GRIK3: variants seen among roughly 807,000 people sequenced by gnomAD.
GRIK3 encodes the protein glutamate ionotropic receptor kainate type subunit 3.
Under a neutral mutation model 102.5 loss-of-function variants are expected in GRIK3, and 29 were observed. That is an observed-to-expected ratio of 0.28 (90% CI 0.21 to 0.39). GRIK3 has a LOEUF of 0.39. Among genes scored for constraint, GRIK3 ranks in the 10% least tolerant of loss-of-function variants. The probability of loss-of-function intolerance (pLI) is 1.00; values close to 1 mark genes in which losing one functional copy is unlikely to be tolerated. For missense variants in GRIK3, 908 were observed against 1,252.4 expected, an observed-to-expected ratio of 0.73 and a Z score of 4.15; for synonymous variants, 511 against 504.9, an observed-to-expected ratio of 1.01 and a Z score of -0.16.
intron 9 of GRIK3, among the ~76,000 whole-genome samples, chr1:36,848,111 TTCTGCC>T (rs2124223821): frequency 6.6e-6 from 1 of 152,354 alleles, no homozygotes; most frequent in African/African-American, 2.4e-5. Context: ...GTCTCCTGGA[TTCTGCC>T]TCTGCTTATG....
intron 15 of GRIK3, among the ~76,000 whole-genome samples, chr1:36,802,647 T>C (rs1462019850): frequency 6.6e-6 from 1 of 152,170 alleles, no homozygotes; most frequent in Non-Finnish European, 1.5e-5. Context: ...TCCCTGCACA[T>C]AGCCAAGAGG....
chr1:36,973,378 CCTT>C lies in GRIK3; in HGVS notation c.115+60613_115+60615del, dbSNP rs553912511. ...CACACTCTTTGCCTGGCTACCTACTCCTTCTTTGAGTGTCAGCTTAGACATCAC... is the reference window on the plus strand; with the variant it reads ...CACACTCTTTGCCTGGCTACCTACTCCTTTGAGTGTCAGCTTAGACATCAC... On this transcript the variant is annotated intron_variant, in intron 1 of 15. Coordinates refer to ENST00000373091, the MANE Select transcript of GRIK3 (RefSeq NM_000831.4). Among the ~76,000 whole-genome samples the C allele has an allele frequency of 3.0e-3, 450 of 151,854 alleles. 1 individual carries two copies. The highest frequency in any genetic ancestry group is 1.0e-2 in the African/African-American group (413 of 41,370).
At chr1:36,883,563 G>A (rs1209413888) in intron 2 of GRIK3, among the ~76,000 whole-genome samples, 1 of 152,196 alleles carries the variant, frequency 6.6e-6, no homozygotes, top group East Asian at 1.9e-4. Context: ...TCCTAGAAGT[G>A]GGCTCAGGGG....
intron 1 of GRIK3, among the ~76,000 whole-genome samples, chr1:36,903,804 C>A (rs1057080759): frequency 6.6e-6 from 1 of 152,010 alleles, no homozygotes; most frequent in East Asian, 1.9e-4. Context: ...TGGCTTCCAG[C>A]GGGTGGAGGA....
At position 36,801,832 on chromosome 1, in the gene GRIK3, G is replaced by T. The variant is rs759627595; in HGVS notation, c.*19C>A. The T allele has an allele frequency of 2.5e-6, 4 of 1,576,204 alleles. No homozygotes were observed. Among genetic ancestry groups the T allele is most frequent in the South Asian group, 2.4e-5 (2 of 84,838 alleles). ...CCTCTGCCCAGCCCCCAGGCCTGAG[G>T]TCCCCACCCCAGCTGTGCCTAGGGG... is the stretch of plus-strand genomic sequence containing the variant. On this transcript the variant is annotated 3_prime_UTR_variant, in exon 16 of 16. Transcript: ENST00000373091.
intron 1 of GRIK3, among the ~76,000 whole-genome samples, chr1:37,026,309 C>T (rs1642764021): frequency 1.3e-5 from 2 of 152,204 alleles, no homozygotes; most frequent in Admixed American, 1.3e-4. Flanking sequence ...TGCTCCCTAT[C>T]ACAGTGAATA....
chr1:37,026,056 A>G (rs1642762130), intron 1 of GRIK3, among the ~76,000 whole-genome samples: 1 of 152,192 alleles, frequency 6.6e-6, no homozygotes, highest in African/African-American at 2.4e-5. Context: ...GACCCTCTCC[A>G]GTCTCCAGTG....
In GRIK3 at chr1:36,885,042, C is replaced by T. The variant is rs371000073; in HGVS notation, c.293-4151G>A. Reference sequence around the variant, plus strand: ...ACTGTGAGGATTATGACAAAGGCAACTGAAATCGTTGTGATACTAAAGACC... The same window carrying T: ...ACTGTGAGGATTATGACAAAGGCAATTGAAATCGTTGTGATACTAAAGACC... On this transcript the variant is annotated intron_variant, in intron 2 of 15. Transcript: ENST00000373091. 8.5e-5 allele frequency among the ~76,000 whole-genome samples: 13 copies of T among 152,350 alleles called. No homozygotes were observed. The East Asian group carries it at 1.7e-3, about 20-fold the overall frequency.
intron 1 of GRIK3, among the ~76,000 whole-genome samples, chr1:37,021,825 C>T (rs913868826): frequency 6.6e-6 from 1 of 152,176 alleles, no homozygotes; most frequent in African/African-American, 2.4e-5. Flanking sequence ...CACATTGGTA[C>T]AGTAGACAGA....
intron 1 of GRIK3, among the ~76,000 whole-genome samples, chr1:37,000,033 T>C (rs1204638313): frequency 3.3e-5 from 5 of 152,270 alleles, no homozygotes; most frequent in Admixed American, 3.3e-4. Flanking sequence ...CTGAGCACAC[T>C]CCACATTTTA....
intron 1 of GRIK3, among the ~76,000 whole-genome samples, chr1:37,001,186 G>A (rs538529582): frequency 4.6e-5 from 7 of 152,316 alleles, no homozygotes; most frequent in Admixed American, 1.3e-4. Flanking sequence ...ATAGCACTCA[G>A]AAAGACGAGC....
rs895940679 is a variant in GRIK3 at position 36,921,818 on chromosome 1, GAC to G, written c.116-30724_116-30723del. On this transcript the variant is annotated intron_variant, in intron 1 of 15. Coordinates refer to ENST00000373091, the MANE Select transcript of GRIK3 (RefSeq NM_000831.4). ...GGCAGGAGAAGGAGTTTCCACTGAG[GAC>G]CTGGCCCTGCTTTGTCCTGAGGGTG... Among the ~76,000 whole-genome samples, 7 of 152,156 alleles carry G rather than the reference GAC, an allele frequency of 4.6e-5. No individual in the cohort carries two copies. In the East Asian group the frequency reaches 9.7e-4, roughly 21 times the overall value.
chr1:36,853,647 T>G lies in GRIK3; in HGVS notation c.1180A>C (p.Ile394Leu). 2.5e-6 allele frequency: 4 copies of G among 1,613,800 alleles called. No individual in the cohort carries two copies. The highest frequency in any genetic ancestry group is 2.2e-5 in the South Asian group (2 of 91,072). ...SGLRTDFDLD[I>L]ISLKEDGLEK... ...AGGCCATCCTCTTTCAGGCTGATGA[T>G]GTCCAGATCAAAATCCGTCCGCAAG... Residue 394 changes from isoleucine to leucine, a missense_variant, in exon 8 of 16, where the codon ATC (isoleucine) becomes CTC (leucine). Physicochemically the swap from Ile to Leu is conservative, Grantham distance 5. Around this residue, in one of 3 missense-constraint regions of GRIK3, gnomAD observed 585 missense variants for 824.9 expected, o/e 0.71. Coordinates refer to ENST00000373091, the MANE Select transcript of GRIK3 (RefSeq NM_000831.4).
At chr1:36,815,555 T>C (rs1394289954) in intron 13 of GRIK3, among the ~76,000 whole-genome samples, 2 of 152,144 alleles carry the variant, frequency 1.3e-5, no homozygotes, top group African/African-American at 4.8e-5. Context: ...GATAAACATA[T>C]AAATAAGTGG....
chr1:36,842,188 G>T (rs1557699540), intron 9 of GRIK3, among the ~76,000 whole-genome samples: 1 of 152,204 alleles, frequency 6.6e-6, no homozygotes, highest in African/African-American at 2.4e-5. Flanking sequence ...TGGCCCAGTG[G>T]TTACAGAGCT....
At chr1:37,027,174 G>A (rs1642773309) in intron 1 of GRIK3, among the ~76,000 whole-genome samples, 1 of 152,110 alleles carries the variant, frequency 6.6e-6, no homozygotes, top group Admixed American at 6.5e-5. Context: ...GCTGTGACTA[G>A]GGAGAGGCAG....
At chr1:36,938,980 C>T (rs958563057) in intron 1 of GRIK3, among the ~76,000 whole-genome samples, 5 of 152,152 alleles carry the variant, frequency 3.3e-5, no homozygotes, top group African/African-American at 4.8e-5. Flanking sequence ...CAGCACAAGA[C>T]GGAAAGAGAG....
rs968862692 is a variant in GRIK3 at position 36,806,460 on chromosome 1, G to A, written c.2092-134C>T. 7 of 601,230 alleles carry A rather than the reference G, an allele frequency of 1.2e-5. No homozygotes were observed. Among genetic ancestry groups the A allele is most frequent in the East Asian group, 1.1e-4 (4 of 35,748 alleles). 37.2% of individuals were successfully genotyped at this position (601,230 alleles called of 1,614,324 possible). ...TCTTCAGAGAAAGGAAGTGCTACAC[G>A]GTGCTCAGATATAGAAATTGAGGCC... On this transcript the variant is annotated intron_variant, in intron 13 of 15. Coordinates refer to ENST00000373091, the MANE Select transcript of GRIK3 (RefSeq NM_000831.4). The surrounding 1 kb of genome is among the most constrained non-coding windows in gnomAD (Gnocchi z 4.0).
At chr1:36,889,468 C>T (rs540996112) in intron 2 of GRIK3, among the ~76,000 whole-genome samples, 14 of 151,964 alleles carry the variant, frequency 9.2e-5, no homozygotes, top group South Asian at 6.3e-4. Flanking sequence ...GCTCTAATGA[C>T]GATTTGGGGA....
Sources: gnomAD v4.1 joint callset for allele counts (sites outside exome capture counted in the v4.1 genomes callset) on GRCh38, gnomAD v4.1.1 for gene constraint, gnomAD v4.1.1 regional missense constraint, Gnocchi (gnomAD v3.1) non-coding constraint, MANE v1.5 for transcripts, NCBI Gene and HGNC (gene_info 2026-07-23, HGNC 2026-07-21) for gene names.